The following SH3TC2 variants were observed in gnomAD, a reference collection of about 807,000 sequenced individuals.
The protein encoded by SH3TC2 is SH3 domain and tetratricopeptide repeat-containing protein 2.
In SH3TC2, 87 loss-of-function variants were observed where a neutral mutation model predicts 124.5. The observed-to-expected ratio is 0.70, with a 90% CI of 0.59 to 0.84. The LOEUF is 0.84. Ranked by LOEUF, SH3TC2 falls within the 40% of genes least tolerant of loss-of-function variation. The pLI is 0.00. For missense variants in SH3TC2, 1,536 were observed against 1,566.4 expected, an observed-to-expected ratio of 0.98 and a Z score of 0.33; for synonymous variants, 634 against 628.5, an observed-to-expected ratio of 1.01 and a Z score of -0.13.
rs148634904 is a variant in SH3TC2 at position 149,041,458 on chromosome 5, A to G, written c.689T>C (p.Val230Ala). 5.5e-4 allele frequency: 891 copies of G among 1,613,722 alleles called. 1 individual carries two copies. Among genetic ancestry groups the G allele is most frequent in the Middle Eastern group, 2.5e-3 (14 of 5,678 alleles). ...VSLVTGQRGL[V>A]LVSALEPLPL... is the part of the protein sequence containing the mutation. ...CAGAGGCTCCAAGGCTGACACCAGT[A>G]CCAGGCCCCGCTGACCTGTCACCAA... The change falls in exon 6 of 17, where the codon GTA becomes GCA. Residue 230 changes from valine to alanine, a missense_variant. Coordinates refer to ENST00000515425, the MANE Select transcript of SH3TC2 (RefSeq NM_024577.4).
rs762925324 is a variant in SH3TC2, at chr5:148,990,396, T to G, written c.*14315A>C. ...AACAAACACACATACCCACACAATG[T>G]TGTGCTGCCAAGTGGTTCACAGGAG... On this transcript the variant is annotated 3_prime_UTR_variant, in exon 17 of 17. Transcript: ENST00000515425. Among the ~76,000 whole-genome samples, 4 of 152,170 alleles carry G rather than the reference T, an allele frequency of 2.6e-5. No homozygotes were observed. The highest frequency in any genetic ancestry group is 4.8e-5 in the African/African-American group (2 of 41,440).
At position 148,988,566 on chromosome 5, in the gene SH3TC2, T is replaced by C. The variant is rs1251345152; in HGVS notation, c.*16145A>G. On this transcript the variant is annotated 3_prime_UTR_variant, in exon 17 of 17. Coordinates refer to ENST00000515425, the MANE Select transcript of SH3TC2 (RefSeq NM_024577.4). ...ACGGCCAAGCCACATGGAGTCGACA[T>C]GGCTCACGGCTCCAGTTGATCACAG... is the stretch of plus-strand genomic sequence containing the variant. Among the ~76,000 whole-genome samples, 2 of 152,166 alleles carry C rather than the reference T, an allele frequency of 1.3e-5. No homozygotes were observed. Among genetic ancestry groups the C allele is most frequent in the Admixed American group, 1.3e-4 (2 of 15,274 alleles).
At chr5:149,044,690 G>T in intron 3 of SH3TC2, 52 bp from the exon 4 acceptor site, 1 of 1,405,740 alleles carries the variant, frequency 7.1e-7, no homozygotes, top group Non-Finnish European at 1.0e-6. Context: ...TGTCCCATTA[G>T]CAAGCTCTTA....
chr5:149,023,548 A>AT lies in SH3TC2; in HGVS notation c.3053+3023dup, dbSNP rs561802486. On this transcript the variant is annotated intron_variant, in intron 12 of 16. Transcript: ENST00000515425. ...AAAGGGAAGTTGGAAGGGGACCTTT[A>AT]TTTTTCACCTATAACCTTCAATAAT... Among the ~76,000 whole-genome samples the AT allele has an allele frequency of 9.0e-4, 123 of 136,394 alleles. 1 individual carries two copies. Among genetic ancestry groups the AT allele is most frequent in the Non-Finnish European group, 1.6e-3 (100 of 63,078 alleles). 89.5% of individuals were successfully genotyped at this position (136,394 alleles called of 152,430 possible). A position where few individuals can be genotyped will look rare whatever the true frequency, so the allele number is the denominator to read the frequency against.
rs75681904 is a variant in SH3TC2, at chr5:149,049,699, C to A, written c.152-1710G>T. 2.0e-3 allele frequency among the ~76,000 whole-genome samples: 309 copies of A among 151,958 alleles called. 1 individual carries two copies. The highest frequency in any genetic ancestry group is 7.2e-3 in the African/African-American group (299 of 41,442). On this transcript the variant is annotated intron_variant, in intron 2 of 16. Coordinates refer to ENST00000515425, the MANE Select transcript of SH3TC2 (RefSeq NM_024577.4). Reference sequence around the variant, plus strand: ...CTCAGAGGCTGAGATAGGAGGATGGCTTGAGCACAGGAGGCTGAGGTCACA... The same window carrying A: ...CTCAGAGGCTGAGATAGGAGGATGGATTGAGCACAGGAGGCTGAGGTCACA...
chr5:148,996,176 C>T lies in SH3TC2; in HGVS notation c.*8535G>A, dbSNP rs1260148700. Among the ~76,000 whole-genome samples the T allele has an allele frequency of 6.6e-6, 1 of 152,052 alleles. No homozygotes were observed. The highest frequency in any genetic ancestry group is 1.5e-5 in the Non-Finnish European group (1 of 68,002). On this transcript the variant is annotated 3_prime_UTR_variant, in exon 17 of 17. Coordinates refer to ENST00000515425, the MANE Select transcript of SH3TC2 (RefSeq NM_024577.4). ...CTGAAGTGGGAGGATCACCCAAGCACCTGAGTCTAGAAGGTCGAGGTAGCA... is the reference window on the plus strand; with the variant it reads ...CTGAAGTGGGAGGATCACCCAAGCATCTGAGTCTAGAAGGTCGAGGTAGCA...
rs768299505 is a variant in SH3TC2, at chr5:149,028,242, G to A, written c.1490C>T (p.Ser497Phe). 8 of 1,614,018 alleles carry A rather than the reference G, an allele frequency of 5.0e-6. No homozygotes were observed. The highest frequency in any genetic ancestry group is 6.8e-6 in the Non-Finnish European group (8 of 1,180,032). The change falls in exon 11 of 17, where the codon TCC (serine) becomes TTC (phenylalanine). Residue 497 changes from serine to phenylalanine, a missense_variant. Around this residue, in one of 3 missense-constraint regions of SH3TC2, gnomAD observed 1,102 missense variants for 1,098.6 expected, o/e 1.00. Coordinates refer to ENST00000515425, the MANE Select transcript of SH3TC2 (RefSeq NM_024577.4). ...ATCCTCCTCAGAGAAGCTATAAAAG[G>A]AAGAAGTGAGGAAAGAGAAGGAGAA... is the stretch of plus-strand genomic sequence containing the variant. ...YDFSFSFLTS[S>F]FYSFSEEDEF...
chr5:148,983,225 C>T lies in SH3TC2; in HGVS notation c.*21486G>A, dbSNP rs760646619. Reference sequence around the variant, plus strand: ...GTATTTTTTGTTACTTTGCTTCATTCGTTTGTTTGTTTTTCAAATTGCCAC... The same window carrying T: ...GTATTTTTTGTTACTTTGCTTCATTTGTTTGTTTGTTTTTCAAATTGCCAC... On this transcript the variant is annotated 3_prime_UTR_variant, in exon 17 of 17. Coordinates refer to ENST00000515425, the MANE Select transcript of SH3TC2 (RefSeq NM_024577.4). Among the ~76,000 whole-genome samples the T allele has an allele frequency of 6.6e-6, 1 of 152,130 alleles. No homozygotes were observed. Among genetic ancestry groups the T allele is most frequent in the African/African-American group, 2.4e-5 (1 of 41,424 alleles).
chr5:149,026,593 T>A lies in SH3TC2; in HGVS notation c.3032A>T (p.Tyr1011Phe), dbSNP rs1215920122. 1 of 1,614,124 alleles carries A rather than the reference T, an allele frequency of 6.2e-7. No individual in the cohort carries two copies. Among genetic ancestry groups the A allele is most frequent in the Non-Finnish European group, 8.5e-7 (1 of 1,180,032 alleles). Residue 1011 changes from tyrosine (Y) to phenylalanine (F), a missense_variant, in exon 12 of 17, where the codon TAT becomes TTT. Tyr to Phe is a conservative substitution (Grantham distance 22). Transcript: ENST00000515425. ...TCACCTGGCGGTATTTAGGTTCCGA[T>A]AAAGCTGCCCCAGGGACTCCAGCAG... ...GRLLESLGQLYRNLNTARSLR... is the reference protein window; with the variant it reads ...GRLLESLGQLFRNLNTARSLR...
intron 16 of SH3TC2, 151 bp downstream of exon 16, chr5:149,006,730 T>G (rs1237452911): frequency 2.4e-6 from 2 of 828,966 alleles, no homozygotes; most frequent in Non-Finnish European, 4.2e-6. Flanking sequence ...ATGTCCCCTG[T>G]AAAGCCACTC....
chr5:149,025,382 G>C (rs747349309), intron 12 of SH3TC2, among the ~76,000 whole-genome samples: 6 of 152,052 alleles, frequency 3.9e-5, no homozygotes, highest in Non-Finnish European at 8.8e-5. Flanking sequence ...TGATTGTCCA[G>C]GTGCACACAG....
At position 149,027,696 on chromosome 5, in the gene SH3TC2, A is replaced by G; in HGVS notation, c.2036T>C (p.Leu679Pro). The change falls in exon 11 of 17, where the codon CTG (leucine) becomes CCG (proline). Residue 679 changes from leucine (L) to proline (P), a missense_variant. Physicochemically the swap from Leu to Pro is moderately conservative, Grantham distance 98. Around this residue, in one of 3 missense-constraint regions of SH3TC2, gnomAD observed 1,102 missense variants for 1,098.6 expected, o/e 1.00. Transcript: ENST00000515425. ...GTGTGGAAGATATTTCTTGTCATAC[A>G]GAAAACTCAAAACACTGGCCACAGC... ...SEAVASVLSF[L>P]YDKKYLPHLA... is the part of the protein sequence containing the mutation. The G allele has an allele frequency of 6.2e-7, 1 of 1,614,134 alleles. No homozygotes were observed. The highest frequency in any genetic ancestry group is 1.3e-5 in the African/African-American group (1 of 75,076).
At chr5:149,035,209 G>A (rs1754262302) in intron 8 of SH3TC2, among the ~76,000 whole-genome samples, 1 of 152,142 alleles carries the variant, frequency 6.6e-6, no homozygotes, top group Non-Finnish European at 1.5e-5. Flanking sequence ...AAGAATAAAA[G>A]AAGGAATGTA....
At chr5:149,010,172 G>T in intron 14 of SH3TC2, 98 bp downstream of exon 14, 1 of 1,529,652 alleles carries the variant, frequency 6.5e-7, no homozygotes, top group Non-Finnish European at 9.0e-7. Flanking sequence ...TGAAATACAA[G>T]CAAGAGAGGA....
At chr5:149,024,136 C>A (rs141594283) in intron 12 of SH3TC2, among the ~76,000 whole-genome samples, 3 of 152,266 alleles carry the variant, frequency 2.0e-5, no homozygotes, top group Non-Finnish European at 4.4e-5. Flanking sequence ...CTGCAAACAC[C>A]TTTCTTTCCT....
chr5:149,017,460 G>A (rs1753895045), intron 12 of SH3TC2, among the ~76,000 whole-genome samples: 2 of 152,284 alleles, frequency 1.3e-5, no homozygotes, highest in South Asian at 4.1e-4. Context: ...ACAGAAAAGT[G>A]TCCCAGAGTA....
intron 1 of SH3TC2, among the ~76,000 whole-genome samples, chr5:149,060,277 A>T (rs1439653684): frequency 6.6e-6 from 1 of 152,246 alleles, no homozygotes; most frequent in Admixed American, 6.5e-5. Flanking sequence ...GAGCAACTGT[A>T]GCTTATTAAG....
At chr5:149,062,914 C>G in intron 1 of SH3TC2, 57 bp downstream of exon 1, 1 of 1,518,742 alleles carries the variant, frequency 6.6e-7, no homozygotes, top group Non-Finnish European at 9.0e-7. Flanking sequence ...CCCTGAGCCT[C>G]TACTGGACCA....
intron 5 of SH3TC2, 90 bp downstream of exon 5, chr5:149,042,604 T>A: frequency 1.3e-6 from 2 of 1,528,392 alleles, no homozygotes. Flanking sequence ...TTTGAATGAT[T>A]TTTCCCTCCC....
Sources: allele counts gnomAD v4.1 joint callset (sites outside exome capture counted in the v4.1 genomes callset), GRCh38; gene constraint gnomAD v4.1.1; regional missense constraint gnomAD v4.1.1; transcripts MANE v1.5; gene names NCBI Gene and HGNC (gene_info 2026-07-23, HGNC 2026-07-21).